DACH2: variants seen among roughly 807,000 people sequenced by gnomAD.
DACH2 encodes dachshund homolog 2.
Under a neutral mutation model 35.8 loss-of-function variants are expected in DACH2, and 17 were observed. That is an observed-to-expected ratio of 0.48 (90% CI 0.33 to 0.71). The LOEUF is 0.71. Among genes scored for constraint, DACH2 ranks in the 30% least tolerant of loss-of-function variants. The probability of loss-of-function intolerance (pLI) is 0.02; values close to 1 mark genes in which losing one functional copy is unlikely to be tolerated. For missense variants in DACH2, 469 were observed against 472.7 expected (o/e 0.99, Z 0.07); for synonymous variants, 195 against 177.3 (o/e 1.10, Z -0.79).
At chrX:86,548,782 C>A (rs2039008703) in intron 3 of DACH2, among the ~76,000 whole-genome samples, 1 of 112,077 alleles carries the variant, frequency 8.9e-6, no homozygotes, top group South Asian at 3.6e-4. Context: ...TTATACCAAC[C>A]ATCTTAAAAT....
At chrX:86,175,887 G>A (rs762317315) in intron 1 of DACH2, among the ~76,000 whole-genome samples, 1 of 111,187 alleles carries the variant, frequency 9.0e-6, no homozygotes, top group Non-Finnish European at 1.9e-5. Context: ...AGGTATTGCT[G>A]TGAAATAGCT....
intron 4 of DACH2, among the ~76,000 whole-genome samples, chrX:86,659,324 C>T (rs957514158): frequency 5.4e-5 from 6 of 111,002 alleles, no homozygotes; most frequent in African/African-American, 2.0e-4. Flanking sequence ...GTAAGCAACT[C>T]TCACTACTGG....
chrX:86,336,593 G>A (rs2035315232), intron 1 of DACH2, among the ~76,000 whole-genome samples: 1 of 111,749 alleles, frequency 8.9e-6, no homozygotes, highest in African/African-American at 3.3e-5. Context: ...AAGACCAAAT[G>A]TAGATAAATC....
At chrX:86,565,267 A>G (rs766329451) in intron 3 of DACH2, among the ~76,000 whole-genome samples, 1 of 111,631 alleles carries the variant, frequency 9.0e-6, no homozygotes, top group South Asian at 3.7e-4. Flanking sequence ...TACTTTTTCT[A>G]TTCTTTTACA....
intron 5 of DACH2, among the ~76,000 whole-genome samples, chrX:86,699,005 A>G (rs1240301293): frequency 1.8e-5 from 2 of 111,609 alleles, no homozygotes; most frequent in African/African-American, 6.5e-5. Flanking sequence ...GATACATCCA[A>G]CAAGAAGATA....
At chrX:86,228,887 T>C (rs1250221164) in intron 1 of DACH2, among the ~76,000 whole-genome samples, 2 of 111,727 alleles carry the variant, frequency 1.8e-5, no homozygotes, top group Non-Finnish European at 3.8e-5. Flanking sequence ...ATGTAAAGAT[T>C]GTGAAGGTTT....
intron 1 of DACH2, among the ~76,000 whole-genome samples, chrX:86,306,839 G>C: frequency 9.0e-6 from 1 of 111,089 alleles, no homozygotes; most frequent in Non-Finnish European, 1.9e-5. Context: ...TAAAGATTTT[G>C]GTACCAGAAG....
intron 1 of DACH2, among the ~76,000 whole-genome samples, chrX:86,190,781 C>T (rs948394691): frequency 2.4e-4 from 27 of 110,750 alleles, no homozygotes; most frequent in Non-Finnish European, 4.3e-4. Flanking sequence ...CCCATCTCTA[C>T]TAAAAATACA....
At chrX:86,265,084 C>T (rs2033689094) in intron 1 of DACH2, among the ~76,000 whole-genome samples, 1 of 111,385 alleles carries the variant, frequency 9.0e-6, no homozygotes, top group South Asian at 3.8e-4. Context: ...ACCATAAGCT[C>T]AGCATTGAAA....
chrX:86,252,256 G>A (rs1419349168), intron 1 of DACH2, among the ~76,000 whole-genome samples: 2 of 110,524 alleles, frequency 1.8e-5, no homozygotes, highest in Admixed American at 9.7e-5. Context: ...TTTGCTGGAC[G>A]TATAGATTGT....
intron 3 of DACH2, among the ~76,000 whole-genome samples, chrX:86,624,325 G>T (rs1218093955): frequency 1.8e-5 from 2 of 111,359 alleles, no homozygotes; most frequent in Admixed American, 9.6e-5. Flanking sequence ...AGATCATATT[G>T]CTTTTTTAAA....
At chrX:86,280,018 G>T (rs895014775) in intron 1 of DACH2, among the ~76,000 whole-genome samples, 1 of 110,744 alleles carries the variant, frequency 9.0e-6, no homozygotes, top group Non-Finnish European at 1.9e-5. Flanking sequence ...AAACAAGCTG[G>T]AAAACACTCT....
intron 7 of DACH2, among the ~76,000 whole-genome samples, chrX:86,784,098 C>A (rs1002181740): frequency 9.2e-6 from 1 of 108,866 alleles, no homozygotes; most frequent in African/African-American, 3.3e-5. Context: ...ATCCCATGTA[C>A]CCCACAAATA....
intron 3 of DACH2, among the ~76,000 whole-genome samples, chrX:86,514,758 G>A (rs899508583): frequency 3.6e-5 from 4 of 111,156 alleles, no homozygotes; most frequent in African/African-American, 1.3e-4. Flanking sequence ...TATTCTTTTA[G>A]TTTCCAGTGG....
intron 2 of DACH2, among the ~76,000 whole-genome samples, chrX:86,495,412 A>G (rs1003066400): frequency 3.7e-5 from 4 of 108,416 alleles, no homozygotes; most frequent in African/African-American, 1.3e-4. Flanking sequence ...ACAATTACAC[A>G]TCACAATTTA....
chrX:86,359,008 A>G lies in DACH2; in HGVS notation c.489-17816A>G, dbSNP rs952411972. ...CAGGTTGTATAGCCAGTGGAATGTG[A>G]TACGTTGGTAGATGTTATGTATTGG... On this transcript the variant is annotated intron_variant, in intron 1 of 11. Coordinates refer to ENST00000373125, the MANE Select transcript of DACH2 (RefSeq NM_053281.3). Among the ~76,000 whole-genome samples the G allele has an allele frequency of 6.4e-5, 7 of 110,174 alleles. No individual in the cohort carries two copies. In the Admixed American group the frequency reaches 6.8e-4, roughly 11 times the overall value.
At chrX:86,759,575 A>T (rs113869670) in intron 7 of DACH2, among the ~76,000 whole-genome samples, 27,813 of 98,319 alleles carry the variant, frequency 0.28, 3,252 homozygotes, top group Middle Eastern at 0.37. Context: ...TTTTTTTTTT[A>T]AAAATCCATT....
chrX:86,417,825 C>A lies in DACH2; in HGVS notation c.527+40963C>A, dbSNP rs142539173. Among the ~76,000 whole-genome samples, 84 of 111,467 alleles carry A rather than the reference C, an allele frequency of 7.5e-4. 2 individuals carry two copies. The East Asian group carries it at 0.022, about 29-fold the overall frequency. On this transcript the variant is annotated intron_variant, in intron 2 of 11. Transcript: ENST00000373125. ...TTTCAGAATTAAATGAGTTAATTCT[C>A]ATTTAAATGTCCATAGTTCAATGTC...
chrX:86,586,118 G>A (rs754751967), intron 3 of DACH2, among the ~76,000 whole-genome samples: 4 of 111,416 alleles, frequency 3.6e-5, no homozygotes, highest in Non-Finnish European at 7.6e-5. Flanking sequence ...GCTGGTATGA[G>A]ATGGTATCTC....
Sources: gnomAD v4.1 joint callset for allele counts (sites outside exome capture counted in the v4.1 genomes callset) on GRCh38, gnomAD v4.1.1 for gene constraint, MANE v1.5 for transcripts, NCBI Gene and HGNC (gene_info 2026-07-23, HGNC 2026-07-21) for gene names.